LMX1A: variants seen among roughly 807,000 people sequenced by gnomAD.
LMX1A encodes the protein LIM homeobox transcription factor 1-alpha.
LMX1A carries 15 observed loss-of-function variants against 49.1 expected under a neutral mutation model. That is an observed-to-expected ratio of 0.31 (90% CI 0.20 to 0.47). The LOEUF (loss-of-function observed/expected upper bound fraction) is 0.47. Ranked by LOEUF, LMX1A falls within the 20% of genes least tolerant of loss-of-function variation. The pLI, the probability that LMX1A is intolerant of heterozygous loss-of-function variation, is 1.00. For missense variants in LMX1A, 372 were observed against 475.8 expected (o/e 0.78, Z 2.03); for synonymous variants, 167 against 185.7 (o/e 0.90, Z 0.82).
intron 4 of LMX1A, among the ~76,000 whole-genome samples, chr1:165,230,090 A>G (rs184475861): frequency 2.0e-5 from 3 of 152,326 alleles, no homozygotes; most frequent in East Asian, 3.9e-4. Flanking sequence ...GAGCACAAGG[A>G]AAAATCAGCA....
At chr1:165,280,755 A>G (rs1183681600) in intron 3 of LMX1A, among the ~76,000 whole-genome samples, 1 of 152,168 alleles carries the variant, frequency 6.6e-6, no homozygotes, top group Non-Finnish European at 1.5e-5. Flanking sequence ...GCAGACTTAT[A>G]TATCTGGGGC....
At chr1:165,271,188 A>ATT (rs139710955) in intron 3 of LMX1A, among the ~76,000 whole-genome samples, 7,914 of 152,198 alleles carry the variant, frequency 0.052, 301 homozygotes, top group Middle Eastern at 0.085. Flanking sequence ...CTAAGAAAGA[A>ATT]TTTTTTTGCT....
chr1:165,340,228 G>A (rs1045661667), intron 3 of LMX1A, among the ~76,000 whole-genome samples: 1 of 151,670 alleles, frequency 6.6e-6, no homozygotes, highest in Non-Finnish European at 1.5e-5. Context: ...TCAGCCTCCC[G>A]AGTACATGGG....
chr1:165,335,391 T>A (rs902617488), intron 3 of LMX1A, among the ~76,000 whole-genome samples: 1 of 152,182 alleles, frequency 6.6e-6, no homozygotes, highest in Non-Finnish European at 1.5e-5. Flanking sequence ...AAATTAATAA[T>A]AACAAATGGA....
chr1:165,221,360 A>G (rs1257239035), intron 4 of LMX1A, among the ~76,000 whole-genome samples: 1 of 151,962 alleles, frequency 6.6e-6, no homozygotes, highest in Non-Finnish European at 1.5e-5. Context: ...CTTATTTTAA[A>G]TCCCCATATC....
intron 3 of LMX1A, among the ~76,000 whole-genome samples, chr1:165,327,137 G>T (rs1655610317): frequency 6.6e-6 from 1 of 152,156 alleles, no homozygotes. Context: ...TCACCCTCTG[G>T]AGACGCCAGC....
intron 3 of LMX1A, among the ~76,000 whole-genome samples, chr1:165,328,862 G>T (rs758108471): frequency 1.1e-4 from 16 of 152,158 alleles, no homozygotes; most frequent in Non-Finnish European, 1.8e-4. Flanking sequence ...CAGGAAAAAT[G>T]AAGCAATTTA....
chr1:165,274,977 C>A (rs1236909677), intron 3 of LMX1A, among the ~76,000 whole-genome samples: 2 of 152,176 alleles, frequency 1.3e-5, no homozygotes, highest in African/African-American at 4.8e-5. Context: ...CATTTTCTTA[C>A]CTGTTTGAGG....
chr1:165,291,737 C>A (rs945968088), intron 3 of LMX1A, among the ~76,000 whole-genome samples: 2 of 152,232 alleles, frequency 1.3e-5, no homozygotes, highest in Middle Eastern at 3.4e-3. Context: ...TAACAAGTAG[C>A]AAAGCTGGGA....
chr1:165,221,712 G>T (rs1224082761), intron 4 of LMX1A, among the ~76,000 whole-genome samples: 1 of 152,186 alleles, frequency 6.6e-6, no homozygotes. Flanking sequence ...GCCCGCCACG[G>T]CCTGGATGCC....
In LMX1A at chr1:165,315,889, T is replaced by C. The variant is rs192873642; in HGVS notation, c.263+37187A>G. Among the ~76,000 whole-genome samples the C allele has an allele frequency of 2.6e-5, 4 of 152,358 alleles. No individual in the cohort carries two copies. The East Asian group carries it at 7.7e-4, about 29-fold the overall frequency. On this transcript the variant is annotated intron_variant, in intron 3 of 8. Coordinates refer to ENST00000342310, the MANE Select transcript of LMX1A (RefSeq NM_177398.4). The stretch of plus-strand genomic sequence containing the variant: ...CAAGGAACACCTCTCTCAGCAGTAC[T>C]GATTTTAAATCAGGGGTTCTGAAAA...
chr1:165,206,175 T>C, intron 7 of LMX1A, 141 bp from the exon 8 acceptor site: 1 of 693,620 alleles, frequency 1.4e-6, no homozygotes, highest in South Asian at 2.5e-5. Flanking sequence ...CCAGAGGCCA[T>C]CAGGAATCAC....
At chr1:165,349,038 A>T (rs150805789) in intron 3 of LMX1A, among the ~76,000 whole-genome samples, 5 of 152,340 alleles carry the variant, frequency 3.3e-5, no homozygotes, top group Non-Finnish European at 5.9e-5. Flanking sequence ...GATGACAGCA[A>T]TACTATCCCA....
intron 3 of LMX1A, among the ~76,000 whole-genome samples, chr1:165,310,268 C>T (rs1463325415): frequency 1.3e-5 from 2 of 152,218 alleles, no homozygotes; most frequent in African/African-American, 4.8e-5. Context: ...GATTTGGTCT[C>T]TTTCCACCCT....
intron 4 of LMX1A, among the ~76,000 whole-genome samples, chr1:165,214,112 T>TC (rs1651545517): frequency 6.6e-6 from 1 of 152,128 alleles, no homozygotes; most frequent in African/African-American, 2.4e-5. Context: ...TAGTTCTGAG[T>TC]CCCCAGAATT....
chr1:165,210,012 G>C (rs920018582), intron 6 of LMX1A, among the ~76,000 whole-genome samples: 1 of 152,208 alleles, frequency 6.6e-6, no homozygotes, highest in African/African-American at 2.4e-5. Context: ...TTGGTGTATG[G>C]AGAATATCTC....
chr1:165,264,573 C>A (rs1653555271), intron 3 of LMX1A, among the ~76,000 whole-genome samples: 1 of 152,160 alleles, frequency 6.6e-6, no homozygotes, highest in South Asian at 2.1e-4. Flanking sequence ...AAGAAGTCTT[C>A]AAGACAGCAC....
intron 4 of LMX1A, among the ~76,000 whole-genome samples, chr1:165,246,183 C>T (rs1047113262): frequency 6.6e-6 from 1 of 152,126 alleles, no homozygotes; most frequent in Non-Finnish European, 1.5e-5. Context: ...TTACTCTTCT[C>T]TTGGCATCAT....
At chr1:165,285,797 C>A (rs1020977176) in intron 3 of LMX1A, among the ~76,000 whole-genome samples, 1 of 152,112 alleles carries the variant, frequency 6.6e-6, no homozygotes, top group South Asian at 2.1e-4. Context: ...CCCAATGGAC[C>A]CTTGTCTATC....
Sources: allele counts gnomAD v4.1 joint callset (sites outside exome capture counted in the v4.1 genomes callset), GRCh38; gene constraint gnomAD v4.1.1; transcripts MANE v1.5; gene names NCBI Gene and HGNC (gene_info 2026-07-23, HGNC 2026-07-21).